Variants in INTS6L observed in about 807,000 individuals in gnomAD.
INTS6L encodes the protein integrator complex subunit 6 like.
A neutral mutation model predicts 64.7 loss-of-function variants in INTS6L; 18 were observed. The observed-to-expected ratio is 0.28, with a 90% CI of 0.19 to 0.41. The LOEUF is 0.41. INTS6L is among the 10% of genes least tolerant of loss of function. INTS6L has a pLI of 1.00. For synonymous variants in INTS6L, 227 were observed against 235.9 expected, an observed-to-expected ratio of 0.96 and a Z score of 0.34; for missense variants, 533 against 661.0, an observed-to-expected ratio of 0.81 and a Z score of 2.12.
intron 9 of INTS6L, among the ~76,000 whole-genome samples, chrX:135,567,172 C>G (rs1556525162): frequency 8.9e-6 from 1 of 111,846 alleles, no homozygotes; most frequent in East Asian, 2.8e-4. Flanking sequence ...TGTGGCTGAG[C>G]TTGAACTCAA....
chrX:135,546,338 T>C (rs1279842144), intron 3 of INTS6L, 42 bp from the exon 4 acceptor site: 1 of 849,916 alleles, frequency 1.2e-6, no homozygotes, highest in African/African-American at 2.1e-5. Flanking sequence ...AATATACTTT[T>C]ATTACTTTAC....
chrX:135,546,760 G>T lies in INTS6L; in HGVS notation c.488G>T (p.Arg163Leu), dbSNP rs57350761. 1 of 1,209,496 alleles carries T rather than the reference G, an allele frequency of 8.3e-7. No individual in the cohort carries two copies. The highest frequency in any genetic ancestry group is 1.7e-5 in the African/African-American group (1 of 57,169). Residue 163 changes from arginine to leucine, a missense_variant, in exon 5 of 18, where the codon CGT becomes CTT. Physicochemically the swap from Arg to Leu is moderately radical, Grantham distance 102. Transcript: ENST00000639893. The part of the protein sequence containing the change: ...PGSELTKEPF[R>L]WDQRLFALVL... Reference sequence around the variant, plus strand: ...AGTGAACTAACCAAAGAACCTTTTCGTTGGGATCAAAGGTTATTTGCCCTG... The same window carrying T: ...AGTGAACTAACCAAAGAACCTTTTCTTTGGGATCAAAGGTTATTTGCCCTG...
At chrX:135,549,567 G>T in intron 6 of INTS6L, 75 bp from the exon 7 acceptor site, 1 of 1,102,882 alleles carries the variant, frequency 9.1e-7, no homozygotes, top group Non-Finnish European at 1.2e-6. Context: ...GCTTTCAGCT[G>T]GAAAATTTGT....
At chrX:135,572,601 A>G (rs901497974) in intron 11 of INTS6L, 3 of 311,517 alleles carry the variant, frequency 9.6e-6, no homozygotes, top group African/African-American at 8.1e-5. Flanking sequence ...TTGACACTAG[A>G]CAAGAAAAAA....
At position 135,556,347 on chromosome X, in the gene INTS6L, A is replaced by G. The variant is rs185378871; in HGVS notation, c.1192+47A>G. On this transcript the variant is annotated intron_variant, in intron 9 of 17. Coordinates refer to ENST00000639893, the MANE Select transcript of INTS6L (RefSeq NM_001351601.3). ...GAATCATCTTTAAAATACAACAGAA[A>G]TGAAAAATCGATAATAGACTAAGCA... is the stretch of plus-strand genomic sequence containing the variant. The G allele has an allele frequency of 6.6e-6, 7 of 1,054,381 alleles. No homozygotes were observed. The East Asian group carries it at 2.0e-4, about 30-fold the overall frequency. The allele number at this position is 1,054,381 out of a possible 1,213,427, so 86.9% of individuals were successfully genotyped here. A position where few individuals can be genotyped will look rare whatever the true frequency, so the allele number is the denominator to read the frequency against.
In INTS6L at chrX:135,573,831, G is replaced by T. The variant is rs1173171784; in HGVS notation, c.1618-108G>T. 3.3e-6 allele frequency: 3 copies of T among 913,774 alleles called. No individual in the cohort carries two copies. In the African/African-American group the frequency reaches 6.1e-5, roughly 19 times the overall value. The allele number at this position is 913,774 out of a possible 1,213,427, so 75.3% of individuals were successfully genotyped here. The stretch of plus-strand genomic sequence containing the variant: ...CACTGGGAAAATTCTACTGTAGTCA[G>T]TTGTATTGATATAACACTCTTCAAT... On this transcript the variant is annotated intron_variant, in intron 12 of 17. Transcript: ENST00000639893.
intron 9 of INTS6L, among the ~76,000 whole-genome samples, chrX:135,557,029 C>T (rs2086663868): frequency 1.8e-5 from 2 of 112,088 alleles, no homozygotes; most frequent in African/African-American, 6.5e-5. Flanking sequence ...ATACAACATA[C>T]ATTGAATATA....
intron 2 of INTS6L, among the ~76,000 whole-genome samples, chrX:135,539,733 C>T (rs2086153939): frequency 1.8e-5 from 2 of 111,584 alleles, no homozygotes; most frequent in African/African-American, 6.5e-5. Context: ...CTTAAGAGTC[C>T]ATTGTAGGGT....
At chrX:135,575,056 A>G (rs782408559) in intron 13 of INTS6L, 28 bp from the exon 14 acceptor site, 6 of 1,207,139 alleles carry the variant, frequency 5.0e-6, no homozygotes, top group Non-Finnish European at 6.7e-6. Flanking sequence ...AGCTATAAGC[A>G]TCAATTTCTT....
chrX:135,537,379 A>G (rs1447993164), intron 2 of INTS6L, among the ~76,000 whole-genome samples: 1 of 112,635 alleles, frequency 8.9e-6, no homozygotes, highest in Non-Finnish European at 1.9e-5. Flanking sequence ...CTCTTTCTGT[A>G]AGTCAGATTT....
intron 2 of INTS6L, among the ~76,000 whole-genome samples, chrX:135,525,067 T>G (rs782026429): frequency 8.9e-6 from 1 of 112,614 alleles, no homozygotes; most frequent in East Asian, 2.8e-4. Context: ...TAATGTATCC[T>G]TATAAAACTA....
chrX:135,546,650 C>A, intron 4 of INTS6L, 52 bp from the exon 5 acceptor site: 1 of 1,139,553 alleles, frequency 8.8e-7, no homozygotes, highest in South Asian at 2.1e-5. Flanking sequence ...ATTCTTTCTT[C>A]ATTTTTATAT....
intron 8 of INTS6L, 22 bp downstream of exon 8, chrX:135,552,168 C>T: frequency 8.7e-7 from 1 of 1,144,769 alleles, no homozygotes. Context: ...TACCTATTAG[C>T]TAAATGTCTG....
intron 8 of INTS6L, among the ~76,000 whole-genome samples, chrX:135,555,686 A>G (rs1264485194): frequency 9.0e-6 from 1 of 111,568 alleles, no homozygotes; most frequent in Non-Finnish European, 1.9e-5. Flanking sequence ...CTGAACATTC[A>G]TATTTAGTAG....
intron 17 of INTS6L, 91 bp from the exon 18 acceptor site, chrX:135,581,437 T>A: frequency 1.5e-6 from 1 of 666,153 alleles, no homozygotes; most frequent in Non-Finnish European, 2.3e-6. Context: ...CTATGTAGAT[T>A]GTAAGCTTCG....
Position 135,572,679 on chromosome X carries a change from T to A in INTS6L, c.1399-136T>A, listed in dbSNP as rs1370363897. 3 of 517,739 alleles carry A rather than the reference T, an allele frequency of 5.8e-6. No homozygotes were observed. The African/African-American group carries it at 7.2e-5, about 12-fold the overall frequency. The allele number at this position is 517,739 out of a possible 1,213,427, so 42.7% of individuals were successfully genotyped here. A position where few individuals can be genotyped will look rare whatever the true frequency, so the allele number is the denominator to read the frequency against. ...TAGTGCAAAGAAGCACAGGAAAATG[T>A]TTAATTATCCATTTTTCTGTGATTT... On this transcript the variant is annotated intron_variant, in intron 11 of 17. Coordinates refer to ENST00000639893, the MANE Select transcript of INTS6L (RefSeq NM_001351601.3).
chrX:135,562,873 A>C (rs1490023335), intron 9 of INTS6L, among the ~76,000 whole-genome samples: 2 of 112,021 alleles, frequency 1.8e-5, no homozygotes, highest in African/African-American at 6.5e-5. Context: ...TGTTTTGTTT[A>C]AGTGAGTTTC....
chrX:135,555,780 C>T (rs1465473872), intron 8 of INTS6L, among the ~76,000 whole-genome samples: 1 of 111,550 alleles, frequency 9.0e-6, no homozygotes, highest in Admixed American at 9.5e-5. Flanking sequence ...CCTCAAGCTC[C>T]CTGGCTCAAG....
chrX:135,539,813 T>C (rs1213593790), intron 2 of INTS6L, among the ~76,000 whole-genome samples: 1 of 111,361 alleles, frequency 9.0e-6, no homozygotes, highest in Non-Finnish European at 1.9e-5. Context: ...GGGAGAGAGA[T>C]AGGGAACAGC....
Sources: gnomAD v4.1 joint callset for allele counts (sites outside exome capture counted in the v4.1 genomes callset) on GRCh38, gnomAD v4.1.1 for gene constraint, MANE v1.5 for transcripts, NCBI Gene and HGNC (gene_info 2026-07-23, HGNC 2026-07-21) for gene names.